Variants in PHYHD1 observed in about 807,000 individuals in gnomAD.
The protein encoded by PHYHD1 is phytanoyl-CoA dioxygenase domain containing 1.
In PHYHD1, 42 loss-of-function variants were observed where a neutral mutation model predicts 43.6. The observed-to-expected ratio is 0.96, with a 90% CI of 0.75 to 1.25. The LOEUF (loss-of-function observed/expected upper bound fraction) is 1.25. Among genes scored for constraint, PHYHD1 ranks in the 50% most tolerant of loss-of-function variants. PHYHD1 has a pLI of 0.00. For missense variants in PHYHD1, 342 were observed against 370.8 expected (o/e 0.92, Z 0.64); for synonymous variants, 139 against 143.6 (o/e 0.97, Z 0.23).
intron 4 of PHYHD1, among the ~76,000 whole-genome samples, chr9:128,928,707 AAAAAAC>A (rs1390685929): frequency 1.3e-5 from 2 of 152,082 alleles, no homozygotes; most frequent in South Asian, 4.1e-4. Flanking sequence ...CTGTCTCAAA[AAAAAAC>A]AAAAACAAAA....
intron 4 of PHYHD1, among the ~76,000 whole-genome samples, chr9:128,931,505 G>C (rs1841274260): frequency 6.6e-6 from 1 of 151,992 alleles, no homozygotes; most frequent in Non-Finnish European, 1.5e-5. Context: ...CAAGAATTGA[G>C]GAGGTCAGTT....
At chr9:128,938,407 G>T (rs72758892) in intron 9 of PHYHD1, among the ~76,000 whole-genome samples, 59,034 of 151,634 alleles carry the variant, frequency 0.39, 11,609 homozygotes, top group Admixed American at 0.43. Context: ...GGGCTGCATG[G>T]GCCTGGGAAT....
Position 128,941,992 on chromosome 9 carries a change from T to C in PHYHD1, c.*279T>C, listed in dbSNP as rs960243924. Reference sequence around the variant, plus strand: ...TCTCCTCTCCTCTCAGATGGAACTCTGGTTATTATGGTGTTAGTTATCGAA... The same window carrying C: ...TCTCCTCTCCTCTCAGATGGAACTCCGGTTATTATGGTGTTAGTTATCGAA... On this transcript the variant is annotated 3_prime_UTR_variant, in exon 13 of 13. Transcript: ENST00000372592. 1.5e-5 allele frequency: 8 copies of C among 531,232 alleles called. No homozygotes were observed. The highest frequency in any genetic ancestry group is 7.6e-5 in the African/African-American group (4 of 52,834). 32.9% of individuals were successfully genotyped at this position (531,232 alleles called of 1,614,324 possible).
chr9:128,926,984 T>C, intron 3 of PHYHD1, 54 bp from the exon 4 acceptor site: 1 of 1,612,888 alleles, frequency 6.2e-7, no homozygotes, highest in Non-Finnish European at 8.5e-7. Context: ...GAGGGAAGGG[T>C]CAGACAGGAG....
chr9:128,936,523 A>AG lies in PHYHD1; in HGVS notation c.372+23dup, dbSNP rs763461901. 1.9e-6 allele frequency: 3 copies of AG among 1,613,120 alleles called. No individual in the cohort carries two copies. Among genetic ancestry groups the AG allele is most frequent in the Non-Finnish European group, 2.5e-6 (3 of 1,179,694 alleles). On this transcript the variant is annotated intron_variant, in intron 7 of 12. Transcript: ENST00000372592. ...GTGCAGGTGAGCAGAGGTGGGGGTG[A>AG]GGGCCAGGAGGGTGGGCCATGTGTG...
At chr9:128,930,279 C>CA (rs771000299) in intron 4 of PHYHD1, among the ~76,000 whole-genome samples, 1,865 of 92,130 alleles carry the variant, frequency 0.02, 42 homozygotes, top group African/African-American at 0.062. Flanking sequence ...AACCCTGTCT[C>CA]AAAAAAAAAA....
intron 3 of PHYHD1, chr9:128,926,781 G>A (rs1841145970): frequency 3.8e-6 from 2 of 529,470 alleles, no homozygotes; most frequent in Non-Finnish European, 7.4e-6. Context: ...ATGACCTCAA[G>A]TTATTGCCCG....
At position 128,940,702 on chromosome 9, in the gene PHYHD1, C is replaced by G. The variant is rs750494124; in HGVS notation, c.690C>G (p.Thr230=). ...GGGATAACAGCCTCTTTGTGCCCAC[C>G]CCAGTGCAGAGAGGTAGGCAGATGC... The part of the protein sequence containing the change: ...PARDNSLFVP[T]PVQRGALVLI... The change falls in exon 11 of 13, where the codon ACC becomes ACG. Residue 230 remains threonine (T), a synonymous_variant. Coordinates refer to ENST00000372592, the MANE Select transcript of PHYHD1 (RefSeq NM_001100876.2). 1.4e-5 allele frequency: 23 copies of G among 1,613,254 alleles called. No homozygotes were observed. Among genetic ancestry groups the G allele is most frequent in the Non-Finnish European group, 1.9e-5 (23 of 1,180,006 alleles).
At chr9:128,926,996 A>G in intron 3 of PHYHD1, 42 bp from the exon 4 acceptor site, 1 of 1,613,900 alleles carries the variant, frequency 6.2e-7, no homozygotes, top group Non-Finnish European at 8.5e-7. Flanking sequence ...AGACAGGAGC[A>G]TTTGCAGACT....
intron 3 of PHYHD1, among the ~76,000 whole-genome samples, chr9:128,924,925 G>C (rs1484144493): frequency 6.6e-6 from 1 of 152,140 alleles, no homozygotes. Flanking sequence ...ACAAGAGTGA[G>C]ACTCCGTCTC....
intron 9 of PHYHD1, 197 bp downstream of exon 9, chr9:128,937,975 G>A: frequency 1.4e-6 from 2 of 1,445,440 alleles, no homozygotes; most frequent in South Asian, 2.9e-5. Context: ...TGGCATAGTG[G>A]GTCCTGAGCC....
rs768514322 is a variant in PHYHD1, at chr9:128,927,156, C to A, written c.152C>A (p.Thr51Lys). ...AEMDVPLHCR[T>K]EFSTQEEEQL... ...ATGGATGTTCCTCTCCACTGCCGCA[C>A]AGAATTCTCCACCCAGGAAGAGGAG... The change falls in exon 4 of 13, where the codon ACA becomes AAA. Residue 51 changes from threonine to lysine, a missense_variant. Physicochemically the swap from Thr to Lys is moderately conservative, Grantham distance 78. Coordinates refer to ENST00000372592, the MANE Select transcript of PHYHD1 (RefSeq NM_001100876.2). 2 of 1,614,116 alleles carry A rather than the reference C, an allele frequency of 1.2e-6. No homozygotes were observed. The highest frequency in any genetic ancestry group is 1.7e-6 in the Non-Finnish European group (2 of 1,180,028).
At chr9:128,937,960 G>T in intron 9 of PHYHD1, 182 bp downstream of exon 9, 2 of 1,483,024 alleles carry the variant, frequency 1.3e-6, no homozygotes, top group East Asian at 2.5e-5. Context: ...GAAACCTTGC[G>T]TCCTTGGCAT....
Position 128,927,109 on chromosome 9 carries a change from G to A in PHYHD1, c.105G>A (p.Arg35=), listed in dbSNP as rs755170883. ...SAEECVAMQQ[R]IGEIVAEMDV... The stretch of plus-strand genomic sequence containing the variant: ...AAGAGTGTGTGGCCATGCAACAAAG[G>A]ATTGGCGAGATAGTGGCTGAAATGG... Residue 35 remains arginine (R), a synonymous_variant, in exon 4 of 13, where the codon AGG becomes AGA. Coordinates refer to ENST00000372592, the MANE Select transcript of PHYHD1 (RefSeq NM_001100876.2). 21 of 1,614,126 alleles carry A rather than the reference G, an allele frequency of 1.3e-5. No individual in the cohort carries two copies. Among genetic ancestry groups the A allele is most frequent in the Non-Finnish European group, 1.8e-5 (21 of 1,180,008 alleles).
At chr9:128,926,014 G>A (rs1010816749) in intron 3 of PHYHD1, among the ~76,000 whole-genome samples, 1 of 152,160 alleles carries the variant, frequency 6.6e-6, no homozygotes, top group East Asian at 1.9e-4. Flanking sequence ...TTACCTGTGT[G>A]GTTAGTGTAA....
At chr9:128,937,909 G>C (rs1343295753) in intron 9 of PHYHD1, 131 bp downstream of exon 9, 9 of 1,548,690 alleles carry the variant, frequency 5.8e-6, no homozygotes, top group Non-Finnish European at 7.9e-6. Context: ...CGGAGAGGAG[G>C]AGCCACCTTC....
chr9:128,929,656 G>T (rs1279985404), intron 4 of PHYHD1, among the ~76,000 whole-genome samples: 1 of 151,766 alleles, frequency 6.6e-6, no homozygotes, highest in African/African-American at 2.4e-5. Flanking sequence ...CTGGGTGACA[G>T]AGCGAGATTC....
Position 128,921,031 on chromosome 9 carries a change from A to G in PHYHD1, c.-797A>G, listed in dbSNP as rs1840986760. On this transcript the variant is annotated 5_prime_UTR_variant, in exon 1 of 13. Coordinates refer to ENST00000372592, the MANE Select transcript of PHYHD1 (RefSeq NM_001100876.2). ...AGGCAGCAGCCGGTTTTTCAGAGCC[A>G]GCGAGTGGCCCTGCCAGCTGCTGAG... 6.6e-6 allele frequency: 1 copy of G among 152,264 alleles called. No homozygotes were observed. The highest frequency in any genetic ancestry group is 2.1e-4 in the South Asian group (1 of 4,836). 9.4% of individuals were successfully genotyped at this position (152,264 alleles called of 1,614,324 possible).
At position 128,933,666 on chromosome 9, in the gene PHYHD1, C is replaced by T; in HGVS notation, c.193-116C>T. 3.6e-6 allele frequency: 4 copies of T among 1,125,696 alleles called. No individual in the cohort carries two copies. In the South Asian group the frequency reaches 5.0e-5, roughly 14 times the overall value. 69.7% of individuals were successfully genotyped at this position (1,125,696 alleles called of 1,614,324 possible). ...CTCAGTGGACAAGTCTGAGAAGCCC[C>T]CAGGGTGTCTGTAACCCTGTGAGGG... On this transcript the variant is annotated intron_variant, in intron 4 of 12. Transcript: ENST00000372592.
Sources: gnomAD v4.1 joint callset for allele counts (sites outside exome capture counted in the v4.1 genomes callset) on GRCh38, gnomAD v4.1.1 for gene constraint, MANE v1.5 for transcripts, NCBI Gene and HGNC (gene_info 2026-07-23, HGNC 2026-07-21) for gene names.